Variants in CYP7B1 observed in about 807,000 individuals in gnomAD.
The protein encoded by CYP7B1 is cytochrome P450 7B1.
CYP7B1 carries 29 observed loss-of-function variants against 42.7 expected under a neutral mutation model. The ratio of observed to expected loss-of-function variants is 0.68; its 90% CI spans 0.51 to 0.93. The LOEUF (loss-of-function observed/expected upper bound fraction) is 0.93. CYP7B1 is among the 40% of genes least tolerant of loss of function. The probability of loss-of-function intolerance (pLI) is 0.00; values close to 1 mark genes in which losing one functional copy is unlikely to be tolerated. For missense variants in CYP7B1, 655 were observed against 600.5 expected (o/e 1.09, Z -0.95); for synonymous variants, 235 against 218.2 (o/e 1.08, Z -0.68).
At chr8:64,742,120 A>G (rs1173742203) in intron 1 of CYP7B1, among the ~76,000 whole-genome samples, 1 of 152,230 alleles carries the variant, frequency 6.6e-6, no homozygotes, top group South Asian at 2.1e-4. Flanking sequence ...AACAAATGGA[A>G]TTATAATTCT....
intron 1 of CYP7B1, among the ~76,000 whole-genome samples, chr8:64,716,911 G>A (rs1321830281): frequency 1.3e-5 from 2 of 152,092 alleles, no homozygotes; most frequent in African/African-American, 4.8e-5. Flanking sequence ...TGAGGGAGGA[G>A]TGCTACACTA....
chr8:64,677,786 C>G (rs563560810), intron 1 of CYP7B1, among the ~76,000 whole-genome samples: 6 of 123,918 alleles, frequency 4.8e-5, no homozygotes, highest in African/African-American at 1.9e-4. Flanking sequence ...AAAATCTGGT[C>G]TGCTAAATGA....
intron 1 of CYP7B1, among the ~76,000 whole-genome samples, chr8:64,770,950 G>T (rs1210703394): frequency 6.8e-6 from 1 of 147,138 alleles, no homozygotes. Context: ...AGTTGACATG[G>T]TTTAGAGCTA....
intron 2 of CYP7B1, among the ~76,000 whole-genome samples, chr8:64,622,703 T>C (rs1805549538): frequency 6.6e-6 from 1 of 151,930 alleles, no homozygotes; most frequent in African/African-American, 2.4e-5. Context: ...AAGAAAAAAA[T>C]GAAGATGCAT....
At position 64,747,766 on chromosome 8, in the gene CYP7B1, T is replaced by C. The variant is rs563855505; in HGVS notation, c.122+50700A>G. Among the ~76,000 whole-genome samples, 23 of 152,270 alleles carry C rather than the reference T, an allele frequency of 1.5e-4. No homozygotes were observed. In the South Asian group the frequency reaches 2.3e-3, roughly 15 times the overall value. On this transcript the variant is annotated intron_variant, in intron 1 of 5. Transcript: ENST00000310193. ...AATTTTATGTATTTCATTGGGCTCT[T>C]GGCTGGAATAAATTAGATTATCACA...
intron 1 of CYP7B1, among the ~76,000 whole-genome samples, chr8:64,662,854 G>A (rs777418390): frequency 6.6e-6 from 1 of 152,096 alleles, no homozygotes; most frequent in South Asian, 2.1e-4. Context: ...GATTCCAACC[G>A]AGTATGTTTG....
At chr8:64,637,444 C>T (rs977473985) in intron 1 of CYP7B1, among the ~76,000 whole-genome samples, 4 of 152,164 alleles carry the variant, frequency 2.6e-5, no homozygotes, top group African/African-American at 9.7e-5. Flanking sequence ...AGCTACAGGG[C>T]TTTACAACTG....
chr8:64,707,043 T>C (rs944487846), intron 1 of CYP7B1, among the ~76,000 whole-genome samples: 1 of 152,136 alleles, frequency 6.6e-6, no homozygotes, highest in South Asian at 2.1e-4. Context: ...CTTTAAACAA[T>C]AATAAATTTA....
chr8:64,763,631 C>A (rs1208758710), intron 1 of CYP7B1, among the ~76,000 whole-genome samples: 2 of 152,236 alleles, frequency 1.3e-5, no homozygotes, highest in Non-Finnish European at 2.9e-5. Context: ...GTGAGGCTGT[C>A]TGGGGAAGGG....
rs546570244 is a variant in CYP7B1, at chr8:64,602,227, A to G, written c.1233+2455T>C. 4.6e-5 allele frequency among the ~76,000 whole-genome samples: 7 copies of G among 152,326 alleles called. No individual in the cohort carries two copies. The South Asian group carries it at 1.5e-3, about 32-fold the overall frequency. On this transcript the variant is annotated intron_variant, in intron 5 of 5. Coordinates refer to ENST00000310193, the MANE Select transcript of CYP7B1 (RefSeq NM_004820.5). ...GTTATGCCCCCCTACAAAGTTAAAC[A>G]CAGGCCACAGTGTGAGCAATGGCAA...
chr8:64,598,580 C>CT (rs1367492913), intron 5 of CYP7B1, among the ~76,000 whole-genome samples: 1 of 152,166 alleles, frequency 6.6e-6, no homozygotes, highest in African/African-American at 2.4e-5. Flanking sequence ...TGGATTATGA[C>CT]TTTTTAGTGT....
At chr8:64,765,932 C>A (rs1445490572) in intron 1 of CYP7B1, among the ~76,000 whole-genome samples, 4 of 152,156 alleles carry the variant, frequency 2.6e-5, no homozygotes, top group Admixed American at 1.3e-4. Flanking sequence ...AGGGTTAGGA[C>A]AATCCTTTTA....
intron 1 of CYP7B1, among the ~76,000 whole-genome samples, chr8:64,752,551 G>A (rs1288185353): frequency 1.3e-5 from 2 of 152,102 alleles, no homozygotes; most frequent in Admixed American, 6.5e-5. Flanking sequence ...AAAGACATAT[G>A]GGATATTATG....
At chr8:64,745,649 T>C (rs1466527323) in intron 1 of CYP7B1, among the ~76,000 whole-genome samples, 1 of 152,140 alleles carries the variant, frequency 6.6e-6, no homozygotes. Flanking sequence ...CCTCCCCCAG[T>C]AGGGTGCAGA....
At chr8:64,751,145 G>C (rs893540300) in intron 1 of CYP7B1, among the ~76,000 whole-genome samples, 3 of 152,142 alleles carry the variant, frequency 2.0e-5, no homozygotes, top group Non-Finnish European at 2.9e-5. Context: ...AATTTTAAAA[G>C]TAATGTGCTT....
At chr8:64,765,818 C>T (rs1328995118) in intron 1 of CYP7B1, among the ~76,000 whole-genome samples, 1 of 152,024 alleles carries the variant, frequency 6.6e-6, no homozygotes, top group African/African-American at 2.4e-5. Context: ...CTGGAGAATT[C>T]GGCCCAGAGT....
intron 1 of CYP7B1, among the ~76,000 whole-genome samples, chr8:64,681,249 T>C (rs1460115183): frequency 1.3e-5 from 2 of 152,220 alleles, no homozygotes; most frequent in Non-Finnish European, 2.9e-5. Flanking sequence ...CTTCCCATTC[T>C]CTGGGCCTGT....
At chr8:64,658,651 T>C (rs766775470) in intron 1 of CYP7B1, among the ~76,000 whole-genome samples, 1 of 152,112 alleles carries the variant, frequency 6.6e-6, no homozygotes, top group African/African-American at 2.4e-5. Flanking sequence ...CCCTGGTAAG[T>C]CTTCATCTTT....
intron 1 of CYP7B1, among the ~76,000 whole-genome samples, chr8:64,626,247 C>A (rs1286082059): frequency 2.0e-5 from 3 of 152,136 alleles, no homozygotes; most frequent in Admixed American, 2.0e-4. Flanking sequence ...AGTCAGTTAA[C>A]CTGTGGACCT....
Sources: gnomAD v4.1 joint callset for allele counts (sites outside exome capture counted in the v4.1 genomes callset) on GRCh38, gnomAD v4.1.1 for gene constraint, MANE v1.5 for transcripts, NCBI Gene and HGNC (gene_info 2026-07-23, HGNC 2026-07-21) for gene names.